The following PRKG1 variants were observed in gnomAD, a reference collection of about 807,000 sequenced individuals.
The protein encoded by PRKG1 is protein kinase cGMP-dependent 1.
In PRKG1, 35 loss-of-function variants were observed where a neutral mutation model predicts 88.1. That is an observed-to-expected ratio of 0.40 (90% confidence interval 0.30 to 0.53). PRKG1 has a LOEUF of 0.53. Among genes scored for constraint, PRKG1 ranks in the 20% least tolerant of loss-of-function variants. The probability of loss-of-function intolerance (pLI) is 0.59; values close to 1 mark genes in which losing one functional copy is unlikely to be tolerated. For synonymous variants in PRKG1, 303 were observed against 292.5 expected (o/e 1.04, Z -0.37); for missense variants, 540 against 839.8 (o/e 0.64, Z 4.41).
intron 1 of PRKG1, among the ~76,000 whole-genome samples, chr10:51,138,681 T>TG (rs1416981905): frequency 2.4e-5 from 3 of 126,442 alleles, no homozygotes; most frequent in African/African-American, 8.7e-5. Flanking sequence ...TTTTGTTTTT[T>TG]TTTTTTTTTT....
chr10:52,022,066 G>T (rs1005348666), intron 5 of PRKG1, among the ~76,000 whole-genome samples: 2 of 152,162 alleles, frequency 1.3e-5, no homozygotes, highest in Non-Finnish European at 2.9e-5. Flanking sequence ...TCAGTAGAAG[G>T]TGATAAGATA....
At chr10:52,247,444 C>T (rs763376863) in intron 9 of PRKG1, among the ~76,000 whole-genome samples, 38 of 152,246 alleles carry the variant, frequency 2.5e-4, no homozygotes, top group Non-Finnish European at 4.9e-4. Flanking sequence ...CATTTATCTC[C>T]TCAGGCAAAA....
At chr10:51,825,319 C>T (rs570727879) in intron 4 of PRKG1, among the ~76,000 whole-genome samples, 43 of 152,228 alleles carry the variant, frequency 2.8e-4, no homozygotes, top group African/African-American at 9.2e-4. Flanking sequence ...TTTTCAGATT[C>T]TACCAAGCTC....
At chr10:51,773,218 A>T (rs1371978075) in intron 3 of PRKG1, among the ~76,000 whole-genome samples, 1 of 151,978 alleles carries the variant, frequency 6.6e-6, no homozygotes, top group Non-Finnish European at 1.5e-5. Context: ...TTTCTCCAAC[A>T]TTTTTTCTCA....
intron 1 of PRKG1, among the ~76,000 whole-genome samples, chr10:51,132,519 T>C (rs1294481869): frequency 6.6e-6 from 1 of 151,850 alleles, no homozygotes; most frequent in Non-Finnish European, 1.5e-5. Context: ...TAAACTTTAT[T>C]ATTAAAATGT....
rs567393438 is a variant in PRKG1 at position 51,561,264 on chromosome 10, T to C, written c.592+93428T>C. Among the ~76,000 whole-genome samples, 19 of 151,978 alleles carry C rather than the reference T, an allele frequency of 1.3e-4. No individual in the cohort carries two copies. In the South Asian group the frequency reaches 3.7e-3, roughly 30 times the overall value. On this transcript the variant is annotated intron_variant, in intron 3 of 17. Coordinates refer to ENST00000373980, the MANE Select transcript of PRKG1 (RefSeq NM_006258.4). Reference sequence around the variant, plus strand: ...AGAATCATGTGAGCCTGGGAAGTTGTGGCTGCAGTGAGCTGTGGTCATGCC... The same window carrying C: ...AGAATCATGTGAGCCTGGGAAGTTGCGGCTGCAGTGAGCTGTGGTCATGCC...
intron 12 of PRKG1, among the ~76,000 whole-genome samples, chr10:52,272,905 A>T (rs776905059): frequency 5.3e-5 from 8 of 151,944 alleles, no homozygotes; most frequent in Non-Finnish European, 1.2e-4. Flanking sequence ...GACATTGTGA[A>T]TTTTTTCCAA....
At chr10:51,446,864 T>C (rs1839288055) in intron 2 of PRKG1, among the ~76,000 whole-genome samples, 1 of 152,058 alleles carries the variant, frequency 6.6e-6, no homozygotes, top group Admixed American at 6.6e-5. Flanking sequence ...ATTCCTAAAC[T>C]ACCTGCTCTC....
intron 5 of PRKG1, among the ~76,000 whole-genome samples, chr10:52,008,371 G>T (rs188332549): frequency 6.6e-6 from 1 of 151,698 alleles, no homozygotes; most frequent in African/African-American, 2.4e-5. Context: ...TAAGATAGAC[G>T]ACTAGTTAGA....
At chr10:51,550,771 TG>T (rs890326280) in intron 3 of PRKG1, among the ~76,000 whole-genome samples, 2 of 151,998 alleles carry the variant, frequency 1.3e-5, no homozygotes, top group African/African-American at 4.8e-5. Flanking sequence ...GATAGATATT[TG>T]CCACATATAT....
chr10:51,836,931 GT>G (rs1589337363), intron 4 of PRKG1, among the ~76,000 whole-genome samples: 1 of 152,184 alleles, frequency 6.6e-6, no homozygotes, highest in East Asian at 1.9e-4. Context: ...GATAGAGATA[GT>G]GTCACTAGTT....
rs183490041 is a variant in PRKG1 at position 51,194,257 on chromosome 10, A to G, written c.478+40927A>G. 5.4e-5 allele frequency among the ~76,000 whole-genome samples: 8 copies of G among 149,030 alleles called. No individual in the cohort carries two copies. In the East Asian group the frequency reaches 1.6e-3, roughly 29 times the overall value. On this transcript the variant is annotated intron_variant, in intron 2 of 17. Transcript: ENST00000373980. ...TTTAGTTTTTTTTTTTTTCAATTAT[A>G]CTTTAAGCTCTGGGGTACATGTGCT...
At chr10:51,495,110 T>G (rs1840814420) in intron 3 of PRKG1, among the ~76,000 whole-genome samples, 2 of 152,142 alleles carry the variant, frequency 1.3e-5, no homozygotes, top group Admixed American at 1.3e-4. Flanking sequence ...TCTTTTTTTT[T>G]TTAAGACAGA....
At chr10:51,820,819 G>A (rs1351345811) in intron 4 of PRKG1, among the ~76,000 whole-genome samples, 2 of 151,948 alleles carry the variant, frequency 1.3e-5, no homozygotes, top group African/African-American at 4.8e-5. Flanking sequence ...AATTAAGTTG[G>A]GTACTTCCTA....
chr10:51,916,348 A>G (rs928856814), intron 5 of PRKG1, among the ~76,000 whole-genome samples: 49 of 152,196 alleles, frequency 3.2e-4, no homozygotes, highest in Non-Finnish European at 1.2e-4. Flanking sequence ...CACCAGCACC[A>G]TGACAGTTTA....
chr10:51,169,745 A>G (rs1467994651), intron 2 of PRKG1, among the ~76,000 whole-genome samples: 1 of 142,866 alleles, frequency 7.0e-6, no homozygotes, highest in Non-Finnish European at 1.5e-5. Flanking sequence ...ATTCTGCCAT[A>G]TAACCAGCTA....
chr10:52,255,481 G>A (rs1466615958), intron 10 of PRKG1, among the ~76,000 whole-genome samples: 1 of 151,836 alleles, frequency 6.6e-6, no homozygotes, highest in South Asian at 2.1e-4. Flanking sequence ...ATACCAGAGC[G>A]GCAAACTTGG....
At chr10:51,370,600 C>T (rs960835170) in intron 2 of PRKG1, among the ~76,000 whole-genome samples, 2 of 151,484 alleles carry the variant, frequency 1.3e-5, no homozygotes, top group Non-Finnish European at 2.9e-5. Context: ...TAATGCATCC[C>T]ATCAGTGACC....
chr10:51,754,893 A>G (rs1837817121), intron 3 of PRKG1, among the ~76,000 whole-genome samples: 1 of 152,054 alleles, frequency 6.6e-6, no homozygotes, highest in Non-Finnish European at 1.5e-5. Flanking sequence ...CTATAAAAGC[A>G]GTGCTGGATT....
Sources: gnomAD v4.1 joint callset for allele counts (sites outside exome capture counted in the v4.1 genomes callset) on GRCh38, gnomAD v4.1.1 for gene constraint, MANE v1.5 for transcripts, NCBI Gene and HGNC (gene_info 2026-07-23, HGNC 2026-07-21) for gene names.